GRIK2: variants seen among roughly 807,000 people sequenced by gnomAD.
GRIK2 encodes the protein glutamate receptor ionotropic, kainate 2.
In GRIK2, 32 loss-of-function variants were observed where a neutral mutation model predicts 100.3. The ratio of observed to expected loss-of-function variants is 0.32; its 90% CI spans 0.24 to 0.43. GRIK2 has a LOEUF of 0.43. GRIK2 is among the 20% of genes least tolerant of loss of function. The probability of loss-of-function intolerance (pLI) is 1.00; values close to 1 mark genes in which losing one functional copy is unlikely to be tolerated. For missense variants in GRIK2, 843 were observed against 1,114.9 expected (o/e 0.76, Z 3.47); for synonymous variants, 417 against 389.4 (o/e 1.07, Z -0.83).
intron 7 of GRIK2, among the ~76,000 whole-genome samples, chr6:101,784,409 C>A (rs547486457): frequency 2.6e-5 from 4 of 152,204 alleles, no homozygotes; most frequent in African/African-American, 9.6e-5. Context: ...GGCTTATTGG[C>A]GGAAGGGACT....
intron 14 of GRIK2, among the ~76,000 whole-genome samples, 175 bp downstream of exon 14, chr6:101,928,807 T>C (rs993718354): frequency 4.6e-5 from 7 of 152,150 alleles, no homozygotes; most frequent in Admixed American, 1.3e-4. Context: ...TCAAGACCAA[T>C]CATTTTAATC....
chr6:101,737,585 C>T (rs1217416241), intron 7 of GRIK2, among the ~76,000 whole-genome samples: 1 of 152,164 alleles, frequency 6.6e-6, no homozygotes, highest in Non-Finnish European at 1.5e-5. Context: ...GATGATCTCT[C>T]ACCAGGTCCC....
intron 2 of GRIK2, among the ~76,000 whole-genome samples, chr6:101,502,569 T>C (rs1773815232): frequency 6.6e-6 from 1 of 152,174 alleles, no homozygotes; most frequent in African/African-American, 2.4e-5. Flanking sequence ...ATATATGTAA[T>C]TGCATTATAT....
chr6:101,887,501 T>C (rs1299873410), intron 11 of GRIK2, among the ~76,000 whole-genome samples: 1 of 145,598 alleles, frequency 6.9e-6, no homozygotes, highest in African/African-American at 2.5e-5. Context: ...TATGTTCATT[T>C]TTTACCTGAA....
chr6:101,905,160 G>A (rs187655928), intron 12 of GRIK2, among the ~76,000 whole-genome samples: 21 of 151,624 alleles, frequency 1.4e-4, no homozygotes, highest in African/African-American at 5.1e-4. Context: ...TATTAAAATG[G>A]TCTGTTTAGA....
At chr6:101,703,151 C>T (rs988312685) in intron 7 of GRIK2, among the ~76,000 whole-genome samples, 5 of 150,974 alleles carry the variant, frequency 3.3e-5, no homozygotes, top group Admixed American at 2.0e-4. Context: ...GAGTTTGAAA[C>T]TCAGGTGAAA....
At chr6:101,621,207 A>G (rs938918232) in intron 2 of GRIK2, among the ~76,000 whole-genome samples, 11 of 152,120 alleles carry the variant, frequency 7.2e-5, no homozygotes, top group African/African-American at 2.4e-4. Context: ...AATCCCAACA[A>G]TTTGGGAGGC....
At chr6:101,801,583 A>G (rs1165896982) in intron 8 of GRIK2, among the ~76,000 whole-genome samples, 1 of 151,890 alleles carries the variant, frequency 6.6e-6, no homozygotes, top group Admixed American at 6.6e-5. Context: ...GTGAGTATAC[A>G]TTTTATAATT....
At chr6:101,812,362 TGTTTC>T (rs1278866703) in intron 9 of GRIK2, among the ~76,000 whole-genome samples, 1 of 151,872 alleles carries the variant, frequency 6.6e-6, no homozygotes, top group Non-Finnish European at 1.5e-5. Context: ...ATTGATGAAA[TGTTTC>T]GTTTTGTGAA....
intron 11 of GRIK2, among the ~76,000 whole-genome samples, chr6:101,881,452 C>T (rs1786236412): frequency 6.6e-6 from 1 of 151,660 alleles, no homozygotes; most frequent in Non-Finnish European, 1.5e-5. Context: ...ATAAAAATGA[C>T]AGACATAGTA....
In GRIK2 at chr6:101,557,480, T is replaced by C. The variant is rs116726294; in HGVS notation, c.116-64469T>C. ...TGCACAAAAGAGATGTGAGGCTTAT[T>C]ATTTTGCTACTTAACCACAGAACTT... On this transcript the variant is annotated intron_variant, in intron 2 of 16. Coordinates refer to ENST00000369134, the MANE Select transcript of GRIK2 (RefSeq NM_021956.5). Among the ~76,000 whole-genome samples, 429 of 152,336 alleles carry C rather than the reference T, an allele frequency of 2.8e-3. 3 individuals carry two copies. The highest frequency in any genetic ancestry group is 9.8e-3 in the African/African-American group (406 of 41,576).
At chr6:101,808,740 A>G (rs1239313339) in intron 9 of GRIK2, among the ~76,000 whole-genome samples, 1 of 151,960 alleles carries the variant, frequency 6.6e-6, no homozygotes, top group East Asian at 1.9e-4. Flanking sequence ...GGCTTTATGT[A>G]TTAATATTAT....
intron 16 of GRIK2, among the ~76,000 whole-genome samples, chr6:102,060,177 T>C (rs1379074788): frequency 6.6e-6 from 1 of 150,782 alleles, no homozygotes; most frequent in Non-Finnish European, 1.5e-5. Flanking sequence ...GTTTCTATTA[T>C]AGAACACTGG....
intron 12 of GRIK2, among the ~76,000 whole-genome samples, chr6:101,917,455 G>C (rs1282958336): frequency 6.6e-6 from 1 of 151,680 alleles, no homozygotes; most frequent in African/African-American, 2.4e-5. Flanking sequence ...AAAAAATCCA[G>C]AGTTGAGCCT....
intron 2 of GRIK2, among the ~76,000 whole-genome samples, chr6:101,507,056 T>A (rs1476279367): frequency 5.3e-5 from 8 of 152,128 alleles, no homozygotes; most frequent in Non-Finnish European, 1.2e-4. Flanking sequence ...TATGTTTAAT[T>A]AAACATAGAG....
chr6:101,477,057 T>G (rs1333728631), intron 2 of GRIK2, among the ~76,000 whole-genome samples: 1 of 152,228 alleles, frequency 6.6e-6, no homozygotes, highest in Non-Finnish European at 1.5e-5. Flanking sequence ...TCGCCTAAAG[T>G]ACCCTAAGAT....
At chr6:101,901,348 A>T (rs1025426337) in intron 12 of GRIK2, among the ~76,000 whole-genome samples, 1 of 152,026 alleles carries the variant, frequency 6.6e-6, no homozygotes, top group Non-Finnish European at 1.5e-5. Flanking sequence ...ATTGTATATT[A>T]AAAAATAGAA....
In GRIK2 at chr6:101,686,363, C is replaced by T; in HGVS notation, c.951+10C>T. 6.2e-7 allele frequency: 1 copy of T among 1,603,398 alleles called. No individual in the cohort carries two copies. The highest frequency in any genetic ancestry group is 8.5e-7 in the Non-Finnish European group (1 of 1,170,760). On this transcript the variant is annotated intron_variant, in intron 7 of 16. Transcript: ENST00000369134. The stretch of plus-strand genomic sequence containing the variant: ...GGATGGATTTATGACGGTATGAATA[C>T]CCACTTAAAGATCAGTTTGTGTGTT...
intron 2 of GRIK2, among the ~76,000 whole-genome samples, chr6:101,424,419 G>C (rs931306258): frequency 1.3e-5 from 2 of 150,408 alleles, no homozygotes; most frequent in Non-Finnish European, 2.9e-5. Context: ...AACATGTGGT[G>C]TTTGGTTTTT....
Sources: allele counts gnomAD v4.1 joint callset (sites outside exome capture counted in the v4.1 genomes callset), GRCh38; gene constraint gnomAD v4.1.1; transcripts MANE v1.5; gene names NCBI Gene and HGNC (gene_info 2026-07-23, HGNC 2026-07-21).